TENM3: variants seen among roughly 807,000 people sequenced by gnomAD.
TENM3 encodes the protein teneurin transmembrane protein 3.
TENM3 carries 63 observed loss-of-function variants against 255.1 expected under a neutral mutation model. The ratio of observed to expected loss-of-function variants is 0.25; its 90% CI spans 0.20 to 0.30. The LOEUF is 0.30. TENM3 is among the 10% of genes least tolerant of loss of function. The pLI, the probability that TENM3 is intolerant of heterozygous loss-of-function variation, is 1.00. For missense variants in TENM3, 2,929 were observed against 3,461.1 expected, an observed-to-expected ratio of 0.85 and a Z score of 3.86; for synonymous variants, 1,306 against 1,322.3, an observed-to-expected ratio of 0.99 and a Z score of 0.27.
the TENM3 span, among the ~76,000 whole-genome samples, chr4:181,467,981 A>C: frequency 6.6e-6 from 1 of 152,150 alleles, no homozygotes; most frequent in South Asian, 2.1e-4. Flanking sequence ...TGATATCGCC[A>C]CAGTACTAGG....
At chr4:181,637,425 CCTT>C in the TENM3 span, among the ~76,000 whole-genome samples, 11 of 152,132 alleles carry the variant, frequency 7.2e-5, no homozygotes, top group African/African-American at 2.7e-4. Context: ...TATACCCACT[CCTT>C]AAGCCAGAAA....
chr4:182,425,015 T>C (rs887470866), intron 3 of TENM3, among the ~76,000 whole-genome samples: 2 of 152,200 alleles, frequency 1.3e-5, no homozygotes, highest in Non-Finnish European at 2.9e-5. Flanking sequence ...CTCCTCAAAA[T>C]TGAATACTTG....
intron 24 of TENM3, among the ~76,000 whole-genome samples, chr4:182,783,563 T>C (rs1355747204): frequency 2.0e-5 from 3 of 150,504 alleles, no homozygotes; most frequent in Non-Finnish European, 4.5e-5. Context: ...GGAGTATCTT[T>C]GTGGCGTTCT....
chr4:182,701,210 C>CTTTATTTTTTTTTTTTTT (rs1757832951), intron 12 of TENM3, among the ~76,000 whole-genome samples: 1 of 38,644 alleles, frequency 2.6e-5, no homozygotes, highest in Non-Finnish European at 4.3e-5. Flanking sequence ...CAACTCTTGA[C>CTTTATTTTTTTTTTTTTT]TTTTTTTTTT....
chr4:182,129,828 C>G, the TENM3 span, among the ~76,000 whole-genome samples: 2 of 151,904 alleles, frequency 1.3e-5, no homozygotes, highest in Admixed American at 1.3e-4. Context: ...TTATAAGCAC[C>G]CAAGAGACAA....
At chr4:181,706,933 C>G in the TENM3 span, among the ~76,000 whole-genome samples, 5 of 152,204 alleles carry the variant, frequency 3.3e-5, no homozygotes, top group African/African-American at 9.6e-5. Flanking sequence ...TTAGCCCTAG[C>G]TCAGCCAGGT....
At chr4:181,555,731 G>A in the TENM3 span, among the ~76,000 whole-genome samples, 1 of 152,106 alleles carries the variant, frequency 6.6e-6, no homozygotes, top group East Asian at 1.9e-4. Flanking sequence ...CTAAAGCCTT[G>A]GAATTCTCCC....
In TENM3 at chr4:182,510,169, AT is replaced by A. The variant is rs1737245813; in HGVS notation, c.512-90753del. ...ACCATAGTTCAGTCCCTTCAGTTGG[AT>A]TATTTTTGTTTTGTTTTCTAATAAA... is the stretch of plus-strand genomic sequence containing the variant. On this transcript the variant is annotated intron_variant, in intron 3 of 27. Coordinates refer to ENST00000511685, the MANE Select transcript of TENM3 (RefSeq NM_001080477.4). 2.0e-5 allele frequency among the ~76,000 whole-genome samples: 3 copies of A among 152,170 alleles called. 1 individual carries two copies. In the South Asian group the frequency reaches 6.2e-4, roughly 31 times the overall value.
At chr4:181,472,954 A>G in the TENM3 span, among the ~76,000 whole-genome samples, 1 of 152,212 alleles carries the variant, frequency 6.6e-6, no homozygotes, top group East Asian at 1.9e-4. Flanking sequence ...CTCCGGTCAT[A>G]AAAGTAGAGA....
At chr4:182,239,805 A>G (rs1017456041), upstream of TENM3, among the ~76,000 whole-genome samples, 1 of 152,202 alleles carries the variant, frequency 6.6e-6, no homozygotes, top group Non-Finnish European at 1.5e-5. Flanking sequence ...AAAAAGCTTT[A>G]CTGGAAAAAA....
intron 2 of TENM3, among the ~76,000 whole-genome samples, chr4:182,335,281 G>A (rs13134112): frequency 0.49 from 43,608 of 89,438 alleles, 10,104 homozygotes; most frequent in Non-Finnish European, 0.54. Flanking sequence ...GGCGGATCAC[G>A]AGGTCAGGAG....
At chr4:182,091,921 C>T in the TENM3 span, among the ~76,000 whole-genome samples, 1 of 152,164 alleles carries the variant, frequency 6.6e-6, no homozygotes, top group Non-Finnish European at 1.5e-5. Context: ...ATAACGGGCC[C>T]AGACTCGATT....
rs73003210 is a variant in TENM3, at chr4:182,252,699, C to G, written c.-76+9223C>G. On this transcript the variant is annotated intron_variant, in intron 1 of 27. Coordinates refer to ENST00000511685, the MANE Select transcript of TENM3 (RefSeq NM_001080477.4). ...AAAAAGGCTCTGGGATACCTTTGGGCTCAGTACTTTAGCTGAGAAATTTTA... is the reference window on the plus strand; with the variant it reads ...AAAAAGGCTCTGGGATACCTTTGGGGTCAGTACTTTAGCTGAGAAATTTTA... Among the ~76,000 whole-genome samples, 286 of 152,250 alleles carry G rather than the reference C, an allele frequency of 1.9e-3. 2 individuals are homozygous for G. The highest frequency in any genetic ancestry group is 6.4e-3 in the African/African-American group (264 of 41,538).
chr4:181,774,003 GTT>G, the TENM3 span, among the ~76,000 whole-genome samples: 42,325 of 91,738 alleles, frequency 0.46, 7,238 homozygotes, highest in East Asian at 0.6. Context: ...TGGTGGCTGT[GTT>G]TTTTTTTTTT....
At chr4:182,065,209 A>AT in the TENM3 span, among the ~76,000 whole-genome samples, 1 of 151,700 alleles carries the variant, frequency 6.6e-6, no homozygotes, top group African/African-American at 2.4e-5. Flanking sequence ...TAATTGTTGT[A>AT]TTTTTTGCAG....
chr4:181,831,968 TTGTGTGTGTGTGTGTGTG>T, the TENM3 span, among the ~76,000 whole-genome samples: 149 of 132,712 alleles, frequency 1.1e-3, no homozygotes, highest in African/African-American at 3.2e-3. Flanking sequence ...ATATATTACA[TTGTGTGTGTGTGTGTGTG>T]TGTGTGTGTG....
rs200665648 is a variant in TENM3, at chr4:182,220,246, G to A, written c.-76+75492G>A. 4.6e-5 allele frequency among the ~76,000 whole-genome samples: 7 copies of A among 151,852 alleles called. No homozygotes were observed. In the South Asian group the frequency reaches 6.3e-4, roughly 14 times the overall value. On this transcript the variant is annotated intron_variant, in intron 1 of 2. Transcript: ENST00000512480. ...ACAAAAATTAGTCGGGCATGGTGGC[G>A]GGAGCCTGTAATCCCAGCTCCTCAG...
chr4:181,450,764 A>G, the TENM3 span, among the ~76,000 whole-genome samples: 1 of 152,340 alleles, frequency 6.6e-6, no homozygotes, highest in South Asian at 2.1e-4. Flanking sequence ...CGATTCTAGA[A>G]CTAATGTTTT....
chr4:182,109,122 A>G, the TENM3 span, among the ~76,000 whole-genome samples: 1 of 146,556 alleles, frequency 6.8e-6, no homozygotes, highest in South Asian at 2.1e-4. Flanking sequence ...ATTTCATATT[A>G]GGTTGATCCA....
Sources: allele counts gnomAD v4.1 joint callset (sites outside exome capture counted in the v4.1 genomes callset), GRCh38; gene constraint gnomAD v4.1.1; transcripts MANE v1.5; gene names NCBI Gene and HGNC (gene_info 2026-07-23, HGNC 2026-07-21).